ACADVL: variants seen among roughly 807,000 people sequenced by gnomAD.
The protein encoded by ACADVL is very long-chain acyl-CoA dehydrogenase, mitochondrial.
ACADVL carries 73 observed loss-of-function variants against 80.4 expected under a neutral mutation model. The ratio of observed to expected loss-of-function variants is 0.91; its 90% CI spans 0.75 to 1.10. The LOEUF (loss-of-function observed/expected upper bound fraction) is 1.10, where lower values mean the gene tolerates loss of function less well. ACADVL is among the 50% of genes least tolerant of loss of function. The pLI, the probability that ACADVL is intolerant of heterozygous loss-of-function variation, is 0.00. For missense variants in ACADVL, 878 were observed against 858.9 expected, an observed-to-expected ratio of 1.02 and a Z score of -0.28; for synonymous variants, 392 against 326.5, an observed-to-expected ratio of 1.20 and a Z score of -2.16.
chr17:7,218,134 T>C, upstream of ACADVL: 1 of 1,064,762 alleles, frequency 9.4e-7, no homozygotes, highest in Non-Finnish European at 1.4e-6. Context: ...ACTCAGGCTT[T>C]TGTCAGCAGG....
chr17:7,217,553 G>GCCCT (rs2070983957), upstream of ACADVL: 1 of 781,834 alleles, frequency 1.3e-6, no homozygotes, highest in Non-Finnish European at 1.5e-6. Flanking sequence ...CGTGGCGGGG[G>GCCCT]AGTGGGGTGG....
At chr17:7,218,442 C>G, upstream of ACADVL, 4 of 1,400,258 alleles carry the variant, frequency 2.9e-6, 1 homozygote, top group South Asian at 2.5e-5. Context: ...CTGCATGGTG[C>G]TCCAGCTTGG....
Position 7,223,135 on chromosome 17 carries a change from A to C in ACADVL, c.1080A>C (p.Val360=). 1.2e-6 allele frequency: 2 copies of C among 1,612,394 alleles called. No homozygotes were observed. Among genetic ancestry groups the C allele is most frequent in the African/African-American group, 2.7e-5 (2 of 75,008 alleles). ...GGGATGTGTGGACCCTCTTCCAGGT[A>C]GATCATGCCACTAATCGTACCCAGT... ...GTMRGIIAKA[V]DHATNRTQFG... The change falls in exon 11 of 20, where the codon GTA becomes GTC. Residue 360 remains valine, a splice_region_variant and synonymous_variant. Transcript: ENST00000356839.
upstream of ACADVL, chr17:7,217,452 TG>T: frequency 7.8e-6 from 1 of 127,588 alleles, no homozygotes; most frequent in Non-Finnish European, 1.3e-5. Flanking sequence ...GTTCGGGGGC[TG>T]GGGCATGAGC....
chr17:7,221,337 G>C (rs1597523300), intron 6 of ACADVL: 2 of 994,560 alleles, frequency 2.0e-6, no homozygotes, highest in Non-Finnish European at 3.0e-6. Flanking sequence ...CTCCTACCTA[G>C]ACCTAAGACA....
At chr17:7,219,455 A>T, upstream of ACADVL, 1 of 1,028,282 alleles carries the variant, frequency 9.7e-7, no homozygotes, top group Non-Finnish European at 1.2e-6. Context: ...TACATCTCAG[A>T]AGAATACACT....
intron 9 of ACADVL, 52 bp downstream of exon 9, chr17:7,222,354 C>T (rs1216224273): frequency 1.3e-6 from 2 of 1,599,458 alleles, no homozygotes; most frequent in Admixed American, 1.7e-5. Flanking sequence ...GGACTGGGCT[C>T]CTGGGCAGAT....
At chr17:7,219,170 T>G, upstream of ACADVL, 1 of 402,040 alleles carries the variant, frequency 2.5e-6, no homozygotes, top group Non-Finnish European at 4.4e-6. Context: ...CCAATGAGAA[T>G]TGCAGAAAAA....
chr17:7,222,270 T>C lies in ACADVL; in HGVS notation c.846T>C (p.Phe282=). Residue 282 remains phenylalanine (F), a synonymous_variant, in exon 9 of 20, where the codon TTT becomes TTC. Coordinates refer to ENST00000356839, the MANE Select transcript of ACADVL (RefSeq NM_000018.4). ...CCGTGAAGGAGAAGATCACAGCTTT[T>C]GTGGTGGAGAGGGGCTTCGGGGGCA... The part of the protein sequence containing the change: ...TGAVKEKITA[F]VVERGFGGIT... 1 of 1,614,000 alleles carries C rather than the reference T, an allele frequency of 6.2e-7. No individual in the cohort carries two copies. Among genetic ancestry groups the C allele is most frequent in the Non-Finnish European group, 8.5e-7 (1 of 1,179,978 alleles).
upstream of ACADVL, chr17:7,218,549 G>A: frequency 6.4e-7 from 1 of 1,560,366 alleles, no homozygotes. Flanking sequence ...ACCCAGCAAG[G>A]CCTGGAAGAG....
At position 7,222,860 on chromosome 17, in the gene ACADVL, A is replaced by G. The variant is rs146589640; in HGVS notation, c.1072A>G (p.Lys358Glu). The G allele has an allele frequency of 4.3e-6, 7 of 1,611,448 alleles. No individual in the cohort carries two copies. The highest frequency in any genetic ancestry group is 5.1e-6 in the Non-Finnish European group (6 of 1,179,976). The change falls in exon 10 of 20, where the codon AAG becomes GAG. Residue 358 changes from lysine to glutamate, a missense_variant. Transcript: ENST00000356839. ...LAGTMRGIIA[K>E]AVDHATNRTQ... The stretch of plus-strand genomic sequence containing the variant: ...AGGTACCATGAGAGGCATCATTGCT[A>G]AGGCGGTGAGTACCCTGCCCGAGTC...
chr17:7,218,633 C>T, upstream of ACADVL: 1 of 1,561,392 alleles, frequency 6.4e-7, no homozygotes, highest in African/African-American at 1.4e-5. Flanking sequence ...GAGGGCTGAC[C>T]TGGGAGCTAG....
At chr17:7,217,160 G>A, upstream of ACADVL, 1 of 1,288,370 alleles carries the variant, frequency 7.8e-7, no homozygotes, top group Non-Finnish European at 9.9e-7. Context: ...TGGGGGGCCT[G>A]GCCGCGGCGG....
At chr17:7,223,565 T>TG (rs1253546107) in intron 11 of ACADVL, 79 bp from the exon 12 acceptor site, 2 of 1,470,416 alleles carry the variant, frequency 1.4e-6, no homozygotes, top group African/African-American at 2.8e-5. Flanking sequence ...GCCCTTATCT[T>TG]GGAGATCTGG....
upstream of ACADVL, chr17:7,219,146 G>A (rs1202244695): frequency 2.0e-6 from 1 of 487,902 alleles, no homozygotes; most frequent in Non-Finnish European, 3.6e-6. Context: ...TCTCCTCCTG[G>A]GCCTCCTCTC....
At chr17:7,223,104 C>T (rs760323005) in intron 10 of ACADVL, 29 bp from the exon 11 acceptor site, 4 of 1,587,994 alleles carry the variant, frequency 2.5e-6, no homozygotes, top group Middle Eastern at 1.8e-4. Flanking sequence ...CACACTGAAC[C>T]ACAGCGGGAT....
At chr17:7,218,938 A>C, upstream of ACADVL, 1 of 1,455,424 alleles carries the variant, frequency 6.9e-7, no homozygotes, top group East Asian at 2.3e-5. Context: ...TGAGTAAAGT[A>C]GGCCGTCTCT....
In ACADVL at chr17:7,222,310, A is replaced by G. The variant is rs910644475; in HGVS notation, c.878+8A>G. 1.2e-6 allele frequency: 2 copies of G among 1,613,352 alleles called. No homozygotes were observed. Among genetic ancestry groups the G allele is most frequent in the Admixed American group, 3.3e-5 (2 of 59,988 alleles). On this transcript the variant is annotated splice_region_variant and intron_variant, in intron 9 of 19. Transcript: ENST00000356839. ...CTTCGGGGGCATTACCCAGTGAGTG[A>G]ATTTGGGTTGGGGGAGCTTAGGACT... is the stretch of plus-strand genomic sequence containing the variant.
Position 7,220,638 on chromosome 17 carries a change from G to C in ACADVL, c.239G>C (p.Gly80Ala), listed in dbSNP as rs1460278489. 6.2e-7 allele frequency: 1 copy of C among 1,614,076 alleles called. No homozygotes were observed. Among genetic ancestry groups the C allele is most frequent in the East Asian group, 2.2e-5 (1 of 44,884 alleles). The stretch of plus-strand genomic sequence containing the variant: ...TCCTTTGCTGTGGGAATGTTCAAAG[G>C]CCAGCTCACCACAGATCAGGTGTTC... ...SKSFAVGMFK[G>A]QLTTDQVFPY... The change falls in exon 4 of 20, where the codon GGC (glycine) becomes GCC (alanine). Residue 80 changes from glycine (G) to alanine (A), a missense_variant. By Grantham distance (60) the Gly-to-Ala change is moderately conservative. Coordinates refer to ENST00000356839, the MANE Select transcript of ACADVL (RefSeq NM_000018.4).
Sources: gnomAD v4.1 joint callset for allele counts on GRCh38, gnomAD v4.1.1 for gene constraint, MANE v1.5 for transcripts, NCBI Gene and HGNC (gene_info 2026-07-23, HGNC 2026-07-21) for gene names.